The following UBE2D2 variants were observed in gnomAD, a reference collection of about 807,000 sequenced individuals.
The protein encoded by UBE2D2 is ubiquitin conjugating enzyme E2 D2, also known as ubiquitin-conjugating enzyme E2 D2.
A neutral mutation model predicts 24.2 loss-of-function variants in UBE2D2; 2 were observed. The ratio of observed to expected loss-of-function variants is 0.08; its 90% confidence interval spans 0.03 to 0.26. The LOEUF (loss-of-function observed/expected upper bound fraction) is 0.26, where lower values mean the gene tolerates loss of function less well. Ranked by LOEUF, UBE2D2 falls within the 10% of genes least tolerant of loss-of-function variation. The pLI is 1.00. For synonymous variants in UBE2D2, 58 were observed against 56.5 expected, an observed-to-expected ratio of 1.03 and a Z score of -0.12; for missense variants, 44 against 177.6, an observed-to-expected ratio of 0.25 and a Z score of 4.28.
chr5:139,599,836 C>G (rs550733252), intron 1 of UBE2D2, among the ~76,000 whole-genome samples: 1 of 152,130 alleles, frequency 6.6e-6, no homozygotes, highest in South Asian at 2.1e-4. Flanking sequence ...TGGAGTCTCG[C>G]TCTATCACCC....
At chr5:139,606,758 A>C (rs990251879) in intron 2 of UBE2D2, among the ~76,000 whole-genome samples, 2 of 152,176 alleles carry the variant, frequency 1.3e-5, no homozygotes, top group African/African-American at 4.8e-5. Context: ...TATTTCATTC[A>C]GTAACTATTT....
intron 5 of UBE2D2, among the ~76,000 whole-genome samples, chr5:139,617,961 A>AATT (rs373075947): frequency 4.0e-5 from 6 of 151,642 alleles, no homozygotes; most frequent in African/African-American, 1.2e-4. Flanking sequence ...CTTAAAAAAA[A>AATT]ATTATTATTA....
chr5:139,557,049 G>C (rs948527906), upstream of UBE2D2, among the ~76,000 whole-genome samples: 1 of 151,832 alleles, frequency 6.6e-6, no homozygotes, highest in African/African-American at 2.4e-5. Flanking sequence ...TGGCCAGGCT[G>C]GTCTTGAACT....
intron 1 of UBE2D2, among the ~76,000 whole-genome samples, chr5:139,530,688 T>G (rs1440749597): frequency 6.6e-6 from 1 of 152,058 alleles, no homozygotes; most frequent in Non-Finnish European, 1.5e-5. Context: ...TTGTAGAAAA[T>G]TTAACCGTAC....
chr5:139,541,173 C>G (rs1196412730), intron 1 of UBE2D2, among the ~76,000 whole-genome samples: 5 of 151,648 alleles, frequency 3.3e-5, no homozygotes, highest in Non-Finnish European at 7.4e-5. Context: ...TAGCATGTGC[C>G]TGTAATCCTA....
intron 1 of UBE2D2, among the ~76,000 whole-genome samples, chr5:139,569,873 A>G (rs1300446163): frequency 6.6e-6 from 1 of 152,144 alleles, no homozygotes; most frequent in African/African-American, 2.4e-5. Flanking sequence ...CTTTTGTTCA[A>G]ACAATTGGAT....
chr5:139,566,162 G>A (rs1753211391), intron 1 of UBE2D2, among the ~76,000 whole-genome samples: 3 of 151,786 alleles, frequency 2.0e-5, no homozygotes, highest in African/African-American at 7.3e-5. Flanking sequence ...GGGATTACAG[G>A]CACTCACCAC....
At chr5:139,617,811 ATTG>A (rs1754446267) in intron 5 of UBE2D2, among the ~76,000 whole-genome samples, 2 of 152,048 alleles carry the variant, frequency 1.3e-5, no homozygotes, top group South Asian at 2.1e-4. Context: ...TACATATTTC[ATTG>A]TTGTTACGAA....
chr5:139,614,559 G>A, intron 2 of UBE2D2, 27 bp from the exon 3 acceptor site: 1 of 1,610,970 alleles, frequency 6.2e-7, no homozygotes, highest in Middle Eastern at 2.2e-4. Context: ...ATTGTTACAT[G>A]GTGACTTTTT....
In UBE2D2 at chr5:139,539,555, T is replaced by C. The variant is rs181435877; in HGVS notation, c.-64+12943T>C. 2.6e-4 allele frequency among the ~76,000 whole-genome samples: 40 copies of C among 152,216 alleles called. 1 individual carries two copies. Among genetic ancestry groups the C allele is most frequent in the African/African-American group, 9.1e-4 (38 of 41,552 alleles). Reference sequence around the variant, plus strand: ...GGAATCTGTACATATGATAAAATGGTATAAAACTATATACACACATTGTAC... The same window carrying C: ...GGAATCTGTACATATGATAAAATGGCATAAAACTATATACACACATTGTAC... On this transcript the variant is annotated intron_variant, in intron 1 of 6. Transcript: ENST00000511725.
At chr5:139,551,264 G>T (rs899261005) in intron 1 of UBE2D2, among the ~76,000 whole-genome samples, 13 of 152,070 alleles carry the variant, frequency 8.5e-5, no homozygotes, top group African/African-American at 3.1e-4. Flanking sequence ...GTCTTGAATT[G>T]CTTCAACCCA....
At chr5:139,537,555 T>C (rs1380694924) in intron 1 of UBE2D2, among the ~76,000 whole-genome samples, 3 of 151,338 alleles carry the variant, frequency 2.0e-5, no homozygotes, top group East Asian at 4.0e-4. Flanking sequence ...TGTCTCACCA[T>C]GTTGGCTAGG....
intron 1 of UBE2D2, among the ~76,000 whole-genome samples, chr5:139,590,889 G>T (rs1753833601): frequency 6.8e-6 from 1 of 146,868 alleles, no homozygotes; most frequent in Non-Finnish European, 1.5e-5. Context: ...CCGCCTCCCG[G>T]GTTCCAGTGA....
At chr5:139,554,199 T>C (rs192154949) in intron 1 of UBE2D2, among the ~76,000 whole-genome samples, 2 of 152,264 alleles carry the variant, frequency 1.3e-5, no homozygotes, top group East Asian at 3.9e-4. Flanking sequence ...TAAAGGCTCA[T>C]GCAGACAGAA....
intron 2 of UBE2D2, among the ~76,000 whole-genome samples, chr5:139,609,779 GT>G (rs557869411): frequency 4.2e-5 from 5 of 118,834 alleles, no homozygotes; most frequent in East Asian, 5.0e-4. Context: ...TTGTTTTTTT[GT>G]TTTTTTTTTG....
chr5:139,587,707 G>A (rs868349525), intron 1 of UBE2D2, among the ~76,000 whole-genome samples: 3 of 149,310 alleles, frequency 2.0e-5, no homozygotes, highest in South Asian at 2.1e-4. Flanking sequence ...GACCAGAAGA[G>A]TGCGGTTGCA....
chr5:139,617,054 G>T (rs139727654), intron 5 of UBE2D2, among the ~76,000 whole-genome samples: 2 of 151,878 alleles, frequency 1.3e-5, no homozygotes, highest in South Asian at 4.2e-4. Flanking sequence ...GTGATGGTGC[G>T]TGCCTGTAGT....
intron 1 of UBE2D2, among the ~76,000 whole-genome samples, chr5:139,589,244 G>A (rs909073475): frequency 9.2e-5 from 14 of 151,986 alleles, no homozygotes; most frequent in African/African-American, 2.9e-4. Context: ...GGGTGACAGA[G>A]CAAGACTCTG....
chr5:139,577,714 C>T (rs1387307316), intron 1 of UBE2D2, among the ~76,000 whole-genome samples: 1 of 152,108 alleles, frequency 6.6e-6, no homozygotes, highest in Non-Finnish European at 1.5e-5. Flanking sequence ...GCACTGGCTC[C>T]TGGCCAGCCA....
Sources: gnomAD v4.1 joint callset for allele counts (sites outside exome capture counted in the v4.1 genomes callset) on GRCh38, gnomAD v4.1.1 for gene constraint, MANE v1.5 for transcripts, NCBI Gene and HGNC (gene_info 2026-07-23, HGNC 2026-07-21) for gene names.